Variants in NAV2 observed in about 807,000 individuals in gnomAD.
The protein encoded by NAV2 is neuron navigator 2, also known as helicase, APC down-regulated 1.
Under a neutral mutation model 223.2 loss-of-function variants are expected in NAV2, and 54 were observed. The ratio of observed to expected loss-of-function variants is 0.24; its 90% confidence interval spans 0.19 to 0.30. The LOEUF is 0.30. Among genes scored for constraint, NAV2 ranks in the 10% least tolerant of loss-of-function variants. NAV2 has a pLI of 1.00. For missense variants in NAV2, 2,806 were observed against 3,147.5 expected (o/e 0.89, Z 2.60); for synonymous variants, 1,279 against 1,239.3 (o/e 1.03, Z -0.67).
chr11:20,019,319 G>T (rs117913196), intron 11 of NAV2, among the ~76,000 whole-genome samples: 1 of 152,166 alleles, frequency 6.6e-6, no homozygotes, highest in African/African-American at 2.4e-5. Flanking sequence ...GGATTACATC[G>T]GAGGCAAGAA....
chr11:19,555,929 C>T (rs1223160346), intron 1 of NAV2, among the ~76,000 whole-genome samples: 1 of 151,374 alleles, frequency 6.6e-6, no homozygotes, highest in Non-Finnish European at 1.5e-5. Flanking sequence ...TATCACCTGG[C>T]TGGACACCCT....
intron 6 of NAV2, among the ~76,000 whole-genome samples, chr11:19,907,378 A>G (rs1476679520): frequency 1.3e-5 from 2 of 152,192 alleles, no homozygotes; most frequent in Admixed American, 6.5e-5. Flanking sequence ...AGGGACCAAG[A>G]AACACTGAAT....
At chr11:19,649,836 G>A (rs1227730427) in intron 1 of NAV2, among the ~76,000 whole-genome samples, 1 of 152,170 alleles carries the variant, frequency 6.6e-6, no homozygotes. Flanking sequence ...CACATGAAAA[G>A]ACCCTCAGTA....
chr11:19,613,458 C>G (rs1670805656), intron 1 of NAV2, among the ~76,000 whole-genome samples: 2 of 152,244 alleles, frequency 1.3e-5, no homozygotes, highest in African/African-American at 4.8e-5. Context: ...GAGGGGCTGT[C>G]CTTGGCACCC....
Position 19,770,535 on chromosome 11 carries a change from G to A in NAV2, c.267+56573G>A, listed in dbSNP as rs1419743435. On this transcript the variant is annotated intron_variant, in intron 1 of 37. Coordinates refer to ENST00000349880, the MANE Select transcript of NAV2 (RefSeq NM_145117.5). ...GCTGGAGAAGGAGTCCTCAGGCCCC[G>A]GATGTTGAACAGAGCAAATAAATTC... Among the ~76,000 whole-genome samples, 7 of 152,260 alleles carry A rather than the reference G, an allele frequency of 4.6e-5. No individual in the cohort carries two copies. In the East Asian group the frequency reaches 5.8e-4, roughly 13 times the overall value.
chr11:19,500,528 T>A (rs562679696), intron 1 of NAV2, among the ~76,000 whole-genome samples: 1 of 152,352 alleles, frequency 6.6e-6, no homozygotes, highest in African/African-American at 2.4e-5. Context: ...TGTCTTTTTT[T>A]AAATTTACTT....
In NAV2 at chr11:20,117,453, G is replaced by A. The variant is rs545625596; in HGVS notation, c.7165-680G>A. Among the ~76,000 whole-genome samples, 6 of 152,192 alleles carry A rather than the reference G, an allele frequency of 3.9e-5. No individual in the cohort carries two copies. In the South Asian group the frequency reaches 1.0e-3, roughly 26 times the overall value. On this transcript the variant is annotated intron_variant, in intron 37 of 37. Transcript: ENST00000349880. ...CCATTCTCCCCATTCCACAGATGAC[G>A]AACTGCTGGCTCAGATACCTTAGGT... is the stretch of plus-strand genomic sequence containing the variant.
intron 1 of NAV2, among the ~76,000 whole-genome samples, chr11:19,396,974 A>G (rs1212796685): frequency 6.6e-6 from 1 of 152,134 alleles, no homozygotes; most frequent in African/African-American, 2.4e-5. Flanking sequence ...TATGGGGACC[A>G]CTGAGGAGTG....
At chr11:19,885,266 A>AAAATG (rs1206368822) in intron 5 of NAV2, among the ~76,000 whole-genome samples, 1 of 152,242 alleles carries the variant, frequency 6.6e-6, no homozygotes, top group Non-Finnish European at 1.5e-5. Flanking sequence ...ACACACATAA[A>AAAATG]AAATGGACGA....
intron 3 of NAV2, among the ~76,000 whole-genome samples, chr11:19,853,754 C>CTTT (rs5790093): frequency 6.7e-6 from 1 of 148,948 alleles, no homozygotes; most frequent in South Asian, 2.1e-4. Context: ...ACCTCTGTAA[C>CTTT]TTTTTTTTTT....
intron 1 of NAV2, among the ~76,000 whole-genome samples, chr11:19,760,670 G>GT (rs2054662865): frequency 6.6e-6 from 1 of 152,180 alleles, no homozygotes; most frequent in African/African-American, 2.4e-5. Flanking sequence ...CTTTAGAGGA[G>GT]TAAGAGAGAA....
intron 1 of NAV2, among the ~76,000 whole-genome samples, chr11:19,630,712 C>T (rs575283689): frequency 6.6e-6 from 1 of 151,772 alleles, no homozygotes; most frequent in Non-Finnish European, 1.5e-5. Flanking sequence ...CATGGTGAGA[C>T]AAAAAATATA....
chr11:19,643,093 G>A (rs1300413925), intron 1 of NAV2, among the ~76,000 whole-genome samples: 3 of 152,148 alleles, frequency 2.0e-5, no homozygotes, highest in African/African-American at 4.8e-5. Context: ...AATCACTATG[G>A]TTTTGAGGTG....
intron 11 of NAV2, chr11:20,023,177 G>T (rs926475303): frequency 6.5e-7 from 1 of 1,529,740 alleles, no homozygotes; most frequent in Non-Finnish European, 8.9e-7. Flanking sequence ...GGTGGGTGTG[G>T]TGCATGTACT....
chr11:19,828,915 A>C (rs1005706499), intron 1 of NAV2, among the ~76,000 whole-genome samples: 1 of 152,212 alleles, frequency 6.6e-6, no homozygotes, highest in Admixed American at 6.5e-5. Context: ...TCTATCCTGT[A>C]GAAGTTCTTG....
intron 11 of NAV2, among the ~76,000 whole-genome samples, chr11:19,986,571 G>A (rs1321323592): frequency 6.6e-6 from 1 of 152,234 alleles, no homozygotes; most frequent in African/African-American, 2.4e-5. Flanking sequence ...AATGAGCCGA[G>A]ATTGTGCCAT....
intron 2 of NAV2, among the ~76,000 whole-genome samples, chr11:19,841,719 T>C (rs1409072849): frequency 2.0e-5 from 3 of 152,146 alleles, no homozygotes; most frequent in Non-Finnish European, 4.4e-5. Flanking sequence ...TATAAAGGTT[T>C]CAAGAGGAAG....
chr11:19,489,200 C>T (rs1044177446), intron 1 of NAV2, among the ~76,000 whole-genome samples: 2 of 152,144 alleles, frequency 1.3e-5, no homozygotes, highest in Admixed American at 1.3e-4. Context: ...ATACAAGGTC[C>T]CAGTGTCCCT....
At chr11:19,843,819 G>A (rs1041151548) in intron 3 of NAV2, among the ~76,000 whole-genome samples, 1 of 151,328 alleles carries the variant, frequency 6.6e-6, no homozygotes, top group African/African-American at 2.4e-5. Context: ...CCTTTGAGTA[G>A]GCACAGTTTG....
Sources: allele counts gnomAD v4.1 joint callset (sites outside exome capture counted in the v4.1 genomes callset), GRCh38; gene constraint gnomAD v4.1.1; transcripts MANE v1.5; gene names NCBI Gene and HGNC (gene_info 2026-07-23, HGNC 2026-07-21).